Variants in LOC128462377 observed in about 807,000 individuals in gnomAD.
the LOC128462377 span, among the ~76,000 whole-genome samples, chr16:89,405,389 T>G: frequency 6.6e-6 from 1 of 151,924 alleles, no homozygotes; most frequent in African/African-American, 2.4e-5. Context: ...AGTGGTGTGA[T>G]ATGAGCTCAC....
chr16:89,322,891 T>A, the LOC128462377 span, among the ~76,000 whole-genome samples: 1 of 152,232 alleles, frequency 6.6e-6, no homozygotes, highest in African/African-American at 2.4e-5. Context: ...TTGCCCAGGC[T>A]GGAGTGCAGC....
chr16:89,317,211 CA>C, the LOC128462377 span: 4 of 715,596 alleles, frequency 5.6e-6, no homozygotes, highest in Non-Finnish European at 7.4e-6. Flanking sequence ...GGGCCCGGGC[CA>C]GGCCCAGGAA....
chr16:89,370,121 AC>A, the LOC128462377 span, among the ~76,000 whole-genome samples: 1 of 152,238 alleles, frequency 6.6e-6, no homozygotes, highest in Non-Finnish European at 1.5e-5. Context: ...CTGCTGTTCA[AC>A]TGGAAAAGGA....
At chr16:89,367,416 G>A in the LOC128462377 span, among the ~76,000 whole-genome samples, 3 of 152,160 alleles carry the variant, frequency 2.0e-5, no homozygotes, top group African/African-American at 7.2e-5. Flanking sequence ...AACCTTAGCC[G>A]GCAACTCAGG....
chr16:89,344,313 C>T, the LOC128462377 span, among the ~76,000 whole-genome samples: 1 of 152,130 alleles, frequency 6.6e-6, no homozygotes. Flanking sequence ...GTATTATTTC[C>T]ACATGGCAAA....
chr16:89,332,401 G>A, the LOC128462377 span, among the ~76,000 whole-genome samples: 657 of 152,294 alleles, frequency 4.3e-3, 3 homozygotes, highest in Non-Finnish European at 6.6e-3. Context: ...AGTCCCCGAG[G>A]ACAGAGATGC....
At chr16:89,380,405 C>T in the LOC128462377 span, among the ~76,000 whole-genome samples, 2 of 152,150 alleles carry the variant, frequency 1.3e-5, no homozygotes, top group Non-Finnish European at 2.9e-5. Flanking sequence ...AGCCACTGTG[C>T]CCAGCCCAAT....
At chr16:89,349,163 A>G in the LOC128462377 span, among the ~76,000 whole-genome samples, 2 of 139,146 alleles carry the variant, frequency 1.4e-5, no homozygotes. Flanking sequence ...AAAAAAAAAG[A>G]ATAATAATTA....
chr16:89,370,356 C>G, the LOC128462377 span, among the ~76,000 whole-genome samples: 1 of 152,128 alleles, frequency 6.6e-6, no homozygotes, highest in Non-Finnish European at 1.5e-5. Flanking sequence ...GAAGGGGAGA[C>G]AGGCGTGCCC....
At chr16:89,342,357 G>A in the LOC128462377 span, among the ~76,000 whole-genome samples, 18 of 152,352 alleles carry the variant, frequency 1.2e-4, 1 homozygote, top group African/African-American at 2.6e-4. Context: ...CCTGAGAGTC[G>A]GAAAACGTTG....
chr16:89,402,365 T>C, the LOC128462377 span, among the ~76,000 whole-genome samples: 1 of 152,110 alleles, frequency 6.6e-6, no homozygotes, highest in Non-Finnish European at 1.5e-5. Context: ...GTATCTGGGA[T>C]TGAGCGCTTA....
chr16:89,318,047 C>G, the LOC128462377 span, among the ~76,000 whole-genome samples: 1 of 152,224 alleles, frequency 6.6e-6, no homozygotes, highest in African/African-American at 2.4e-5. Flanking sequence ...CCCTCTCTTT[C>G]TGCAGGAAAC....
At chr16:89,377,471 G>C in the LOC128462377 span, among the ~76,000 whole-genome samples, 9 of 152,036 alleles carry the variant, frequency 5.9e-5, no homozygotes, top group African/African-American at 2.2e-4. Flanking sequence ...CGGACATGTG[G>C]GCCGGGGCAG....
the LOC128462377 span, among the ~76,000 whole-genome samples, chr16:89,332,712 T>C: frequency 6.6e-6 from 1 of 152,200 alleles, no homozygotes; most frequent in African/African-American, 2.4e-5. Context: ...CGGCAGGGCC[T>C]GGTCTGCACT....
chr16:89,379,243 A>G, the LOC128462377 span, among the ~76,000 whole-genome samples: 2 of 152,260 alleles, frequency 1.3e-5, no homozygotes, highest in South Asian at 2.1e-4. Flanking sequence ...TCACAGGCTC[A>G]TGCTTTTTTA....
At chr16:89,377,868 C>T in the LOC128462377 span, among the ~76,000 whole-genome samples, 1 of 152,028 alleles carries the variant, frequency 6.6e-6, no homozygotes. Flanking sequence ...TCCACCCCCG[C>T]CCCATGAGAA....
the LOC128462377 span, among the ~76,000 whole-genome samples, chr16:89,399,433 G>A: frequency 2.6e-5 from 4 of 152,168 alleles, no homozygotes; most frequent in South Asian, 2.1e-4. Flanking sequence ...GTACGGTTCC[G>A]ACTCTGACAT....
chr16:89,354,750 C>T, the LOC128462377 span, among the ~76,000 whole-genome samples: 2 of 152,108 alleles, frequency 1.3e-5, no homozygotes, highest in Non-Finnish European at 2.9e-5. Flanking sequence ...GGCATGGTGG[C>T]GAGCACCTGT....
chr16:89,355,824 T>C, the LOC128462377 span, among the ~76,000 whole-genome samples: 1 of 152,156 alleles, frequency 6.6e-6, no homozygotes, highest in African/African-American at 2.4e-5. Context: ...CAAGGGTCTG[T>C]GGCTCTCCTG....
Sources: allele counts gnomAD v4.1 joint callset (sites outside exome capture counted in the v4.1 genomes callset), GRCh38; gene constraint gnomAD v4.1.1; transcripts MANE v1.5.